Variants in WDR72 observed in about 807,000 individuals in gnomAD.
WDR72 encodes WD repeat domain 72.
WDR72 carries 120 observed loss-of-function variants against 124.2 expected under a neutral mutation model. The observed-to-expected ratio is 0.97, with a 90% CI of 0.83 to 1.12. WDR72 has a LOEUF of 1.12. Ranked by LOEUF, WDR72 falls within the 50% of genes most tolerant of loss-of-function variation. The probability of loss-of-function intolerance (pLI) is 0.00; values close to 1 mark genes in which losing one functional copy is unlikely to be tolerated. For synonymous variants in WDR72, 452 were observed against 441.7 expected (o/e 1.02, Z -0.29); for missense variants, 1,387 against 1,278.8 (o/e 1.08, Z -1.29).
rs761619873 is a variant in WDR72, at chr15:53,523,267, G to A, written c.3204C>T (p.Asp1068=). The change falls in exon 19 of 20, where the codon GAC becomes GAT. Residue 1068 remains aspartate (D), a synonymous_variant. Transcript: ENST00000360509. ...DSNSNSANFQ[D]VEDMPDRCAL... ...CACATCTGTCAGGCATGTCCTCCACGTCTTGGAAGTTTGCCGAGTTTGAGT... is the reference window on the plus strand; with the variant it reads ...CACATCTGTCAGGCATGTCCTCCACATCTTGGAAGTTTGCCGAGTTTGAGT... The A allele has an allele frequency of 1.7e-5, 27 of 1,612,960 alleles. No homozygotes were observed. The East Asian group carries it at 1.8e-4, about 11-fold the overall frequency.
chr15:53,529,067 A>T (rs112010407), intron 18 of WDR72, among the ~76,000 whole-genome samples: 1 of 151,102 alleles, frequency 6.6e-6, no homozygotes, highest in African/African-American at 2.4e-5. Flanking sequence ...TATTAATGCC[A>T]AAAGGAAGTC....
At chr15:53,584,793 C>T (rs2012113894) in intron 18 of WDR72, among the ~76,000 whole-genome samples, 2 of 152,028 alleles carry the variant, frequency 1.3e-5, no homozygotes, top group South Asian at 4.1e-4. Flanking sequence ...CATCTCCTGA[C>T]CATGCCATAC....
chr15:53,746,625 C>T (rs894570175), intron 1 of WDR72, among the ~76,000 whole-genome samples: 6 of 152,110 alleles, frequency 3.9e-5, no homozygotes, highest in African/African-American at 1.4e-4. Flanking sequence ...AGAAGAATCC[C>T]ACCTACTTTC....
intron 13 of WDR72, among the ~76,000 whole-genome samples, chr15:53,686,985 C>T (rs1487726075): frequency 6.6e-6 from 1 of 151,256 alleles, no homozygotes; most frequent in African/African-American, 2.4e-5. Context: ...GAAATGAAGG[C>T]GGAAATAAAC....
intron 18 of WDR72, among the ~76,000 whole-genome samples, chr15:53,529,238 A>T (rs531292255): frequency 3.1e-4 from 47 of 149,894 alleles, no homozygotes; most frequent in Non-Finnish European, 6.5e-4. Context: ...CAGAGAGGGA[A>T]TGTGTTGTAT....
At chr15:53,606,628 G>C (rs567263059) in intron 17 of WDR72, among the ~76,000 whole-genome samples, 4 of 152,272 alleles carry the variant, frequency 2.6e-5, no homozygotes, top group South Asian at 2.1e-4. Context: ...AGATGACTGG[G>C]GTTGGGTAGA....
intron 16 of WDR72, among the ~76,000 whole-genome samples, chr15:53,610,805 T>C (rs1322536171): frequency 6.6e-6 from 1 of 152,118 alleles, no homozygotes; most frequent in Non-Finnish European, 1.5e-5. Flanking sequence ...ATGTTTTCCA[T>C]TTCTTCATGA....
At chr15:53,656,470 T>C (rs1014046584) in intron 14 of WDR72, among the ~76,000 whole-genome samples, 1 of 152,194 alleles carries the variant, frequency 6.6e-6, no homozygotes, top group African/African-American at 2.4e-5. Flanking sequence ...AAATAAATGC[T>C]TTCTTTTTTG....
chr15:53,752,006 A>G (rs975782967), intron 1 of WDR72, among the ~76,000 whole-genome samples: 1 of 152,232 alleles, frequency 6.6e-6, no homozygotes, highest in Non-Finnish European at 1.5e-5. Context: ...TTCAAATCTC[A>G]AAATCTGTAC....
rs188590145 is a variant in WDR72, at chr15:53,609,523, T to C, written c.2942A>G (p.Gln981Arg). The C allele has an allele frequency of 5.5e-4, 884 of 1,613,376 alleles. 7 individuals are homozygous for C. In the East Asian group the frequency reaches 0.018, roughly 33 times the overall value. ...TGAATTATATCATACCTGCACAGAC[T>C]GGTCTCTCCAACAGGAAATTAGCTT... ...LLKLISCWRD[Q>R]SVQVTEAIQA... The change falls in exon 17 of 20, where the codon CAG (glutamine) becomes CGG (arginine). Residue 981 changes from glutamine to arginine, a missense_variant. Transcript: ENST00000360509.
chr15:53,544,053 T>C (rs1189649228), intron 18 of WDR72, among the ~76,000 whole-genome samples: 3 of 146,232 alleles, frequency 2.1e-5, no homozygotes, highest in African/African-American at 7.6e-5. Flanking sequence ...CAGGACCAGA[T>C]GGATTCACAG....
At chr15:53,558,280 T>A (rs12903352) in intron 18 of WDR72, among the ~76,000 whole-genome samples, 18,895 of 152,112 alleles carry the variant, frequency 0.12, 1,363 homozygotes, top group Non-Finnish European at 0.15. Flanking sequence ...ATGACATCTT[T>A]AATTCCGGTT....
At position 53,538,626 on chromosome 15, in the gene WDR72, G is replaced by A. The variant is rs925402388; in HGVS notation, c.3149-15304C>T. On this transcript the variant is annotated intron_variant, in intron 18 of 19. Transcript: ENST00000360509. Reference sequence around the variant, plus strand: ...AGGTTAACATTGGGTGATGCGGAATGCATTATTATATCCATTTTAGTTAAT... The same window carrying A: ...AGGTTAACATTGGGTGATGCGGAATACATTATTATATCCATTTTAGTTAAT... 2.0e-5 allele frequency among the ~76,000 whole-genome samples: 3 copies of A among 152,134 alleles called. No individual in the cohort carries two copies. The East Asian group carries it at 5.8e-4, about 29-fold the overall frequency.
At chr15:53,676,037 G>A (rs1420321730) in intron 13 of WDR72, among the ~76,000 whole-genome samples, 1 of 152,072 alleles carries the variant, frequency 6.6e-6, no homozygotes, top group East Asian at 1.9e-4. Context: ...AAGGCTCAGG[G>A]TACCCTCACT....
chr15:53,605,054 A>G (rs2013217061), intron 17 of WDR72, among the ~76,000 whole-genome samples: 1 of 152,172 alleles, frequency 6.6e-6, no homozygotes, highest in African/African-American at 2.4e-5. Context: ...TTCATTGCAG[A>G]TCTATTCACA....
intron 3 of WDR72, among the ~76,000 whole-genome samples, chr15:53,718,919 A>G (rs966977426): frequency 2.0e-5 from 3 of 150,754 alleles, no homozygotes; most frequent in Non-Finnish European, 4.4e-5. Context: ...TCTACGACAT[A>G]TAACATTAGA....
intron 17 of WDR72, among the ~76,000 whole-genome samples, chr15:53,605,142 G>A (rs187990962): frequency 1.3e-5 from 2 of 152,276 alleles, no homozygotes. Context: ...TATACTCCAT[G>A]GAATACTATG....
intron 13 of WDR72, among the ~76,000 whole-genome samples, chr15:53,694,931 A>G (rs2016956876): frequency 6.6e-6 from 1 of 152,184 alleles, no homozygotes; most frequent in African/African-American, 2.4e-5. Context: ...TGTTGTTGTA[A>G]GTAAAGTTTT....
chr15:53,684,394 CG>C (rs2016522573), intron 13 of WDR72: 1 of 153,520 alleles, frequency 6.5e-6, no homozygotes, highest in Non-Finnish European at 1.4e-5. Context: ...CTGCCTCACT[CG>C]GGAAGCACAA....
Sources: gnomAD v4.1 joint callset for allele counts (sites outside exome capture counted in the v4.1 genomes callset) on GRCh38, gnomAD v4.1.1 for gene constraint, MANE v1.5 for transcripts, NCBI Gene and HGNC (gene_info 2026-07-23, HGNC 2026-07-21) for gene names.